ZNF646: variants seen among roughly 807,000 people sequenced by gnomAD.
ZNF646 encodes the protein zinc finger protein 646.
A neutral mutation model predicts 115.4 loss-of-function variants in ZNF646; 49 were observed. The observed-to-expected ratio is 0.42, with a 90% CI of 0.34 to 0.54. The LOEUF (loss-of-function observed/expected upper bound fraction) is 0.54. Ranked by LOEUF, ZNF646 falls within the 20% of genes least tolerant of loss-of-function variation. ZNF646 has a pLI of 0.04. For synonymous variants in ZNF646, 933 were observed against 939.0 expected (o/e 0.99, Z 0.12); for missense variants, 2,269 against 2,457.9 (o/e 0.92, Z 1.62).
In ZNF646 at chr16:31,074,441, C is replaced by G. The variant is rs1457032205; in HGVS notation, c.-270C>G. On this transcript the variant is annotated 5_prime_UTR_variant, in exon 1 of 3. Transcript: ENST00000300850. ...TTTCCTAGTAACAATAGGAAGTGTCCGTAGAGCTGGGAGTAGACTCCTGGC... is the reference window on the plus strand; with the variant it reads ...TTTCCTAGTAACAATAGGAAGTGTCGGTAGAGCTGGGAGTAGACTCCTGGC... 2.0e-5 allele frequency: 3 copies of G among 152,280 alleles called. No homozygotes were observed. Among genetic ancestry groups the G allele is most frequent in the South Asian group, 4.1e-4 (2 of 4,834 alleles). The allele number at this position is 152,280 out of a possible 1,614,324, so 9.4% of individuals were successfully genotyped here.
chr16:31,083,021 C>G lies in ZNF646; in HGVS notation c.5428C>G (p.Pro1810Ala). ...TGRGDLPLPP[P>A]PTPTTPLLDP... is the part of the protein sequence containing the mutation. The stretch of plus-strand genomic sequence containing the variant: ...CAGAGGGGACTTGCCATTGCCCCCT[C>G]CACCCACCCCCACGACCCCACTCCT... The change falls in exon 3 of 3, where the codon CCA (proline) becomes GCA (alanine). Residue 1810 changes from proline (P) to alanine (A), a missense_variant. Around this residue, in one of 5 missense-constraint regions of ZNF646, gnomAD observed 1,062 missense variants for 1,172.8 expected, o/e 0.91. Coordinates refer to ENST00000300850, the MANE Select transcript of ZNF646 (RefSeq NM_014699.4). 3.1e-6 allele frequency: 5 copies of G among 1,598,422 alleles called. No homozygotes were observed. Among genetic ancestry groups the G allele is most frequent in the Non-Finnish European group, 4.3e-6 (5 of 1,174,390 alleles).
chr16:31,076,116 G>T, intron 1 of ZNF646, 130 bp from the exon 2 acceptor site: 2 of 564,906 alleles, frequency 3.5e-6, no homozygotes, highest in Non-Finnish European at 5.9e-6. Context: ...ATTGGATCTA[G>T]TAGAAATTAG....
rs1005181148 is a variant in ZNF646, at chr16:31,080,270, A to G, written c.3946A>G (p.Asn1316Asp). 1 of 1,612,674 alleles carries G rather than the reference A, an allele frequency of 6.2e-7. No homozygotes were observed. The highest frequency in any genetic ancestry group is 1.7e-5 in the Admixed American group (1 of 59,994). The change falls in exon 2 of 3, where the codon AAC becomes GAC. Residue 1316 changes from asparagine to aspartate, a missense_variant. By Grantham distance (23) the Asn-to-Asp change is conservative. Coordinates refer to ENST00000300850, the MANE Select transcript of ZNF646 (RefSeq NM_014699.4). The stretch of plus-strand genomic sequence containing the variant: ...CTATCGCCACGCCGGCAGCCTCCTG[A>G]ACCACCGGCGCAGCCACGAGACGGG... ...RTYRHAGSLL[N>D]HRRSHETGQY...
At position 31,076,478 on chromosome 16, in the gene ZNF646, C is replaced by A. The variant is rs1330346134; in HGVS notation, c.154C>A (p.Gln52Lys). The A allele has an allele frequency of 1.9e-6, 3 of 1,614,060 alleles. No individual in the cohort carries two copies. The highest frequency in any genetic ancestry group is 3.3e-5 in the Admixed American group (2 of 60,016). Residue 52 changes from glutamine (Q) to lysine (K), a missense_variant, in exon 2 of 3, where the codon CAG becomes AAG. Around this residue, in one of 5 missense-constraint regions of ZNF646, gnomAD observed 334 missense variants for 323.5 expected, o/e 1.03. Coordinates refer to ENST00000300850, the MANE Select transcript of ZNF646 (RefSeq NM_014699.4). ...DSIPRPYRCQ[Q>K]CGRGYRHPGS... Reference sequence around the variant, plus strand: ...CATCCCTCGGCCCTACCGTTGTCAGCAGTGTGGGCGGGGCTACCGTCACCC... The same window carrying A: ...CATCCCTCGGCCCTACCGTTGTCAGAAGTGTGGGCGGGGCTACCGTCACCC...
chr16:31,080,069 C>G lies in ZNF646; in HGVS notation c.3745C>G (p.Arg1249Gly). Reference sequence around the variant, plus strand: ...AAACCTCATGTCCCTCAAGAACCACCGGCGCATCCATGCAGATCCCCGACG... The same window carrying G: ...AAACCTCATGTCCCTCAAGAACCACGGGCGCATCCATGCAGATCCCCGACG... The part of the protein sequence containing the change: ...FSNLMSLKNH[R>G]RIHADPRRFR... Residue 1249 changes from arginine to glycine, a missense_variant, in exon 2 of 3, where the codon CGG (arginine) becomes GGG (glycine). Physicochemically the swap from Arg to Gly is moderately radical, Grantham distance 125. This residue lies in a region of ZNF646 where 1,062 missense variants were observed against 1,172.8 expected (regional missense o/e 0.91). Transcript: ENST00000300850. 1 of 1,612,642 alleles carries G rather than the reference C, an allele frequency of 6.2e-7. No homozygotes were observed. Among genetic ancestry groups the G allele is most frequent in the Non-Finnish European group, 8.5e-7 (1 of 1,179,416 alleles).
chr16:31,078,344 C>T lies in ZNF646; in HGVS notation c.2020C>T (p.His674Tyr). ...RRHSRRRSRR[H>Y]RKRAGGASGG... is the part of the protein sequence containing the mutation. ...GCACAGTCGGCGGCGGAGCAGGCGG[C>T]ATCGGAAGCGGGCTGGCGGTGCCAG... The change falls in exon 2 of 3, where the codon CAT becomes TAT. Residue 674 changes from histidine (H) to tyrosine (Y), a missense_variant. Physicochemically the swap from His to Tyr is moderately conservative, Grantham distance 83. This residue lies in a region of ZNF646 where 852 missense variants were observed against 900.2 expected (regional missense o/e 0.95). Coordinates refer to ENST00000300850, the MANE Select transcript of ZNF646 (RefSeq NM_014699.4). 1 of 1,613,406 alleles carries T rather than the reference C, an allele frequency of 6.2e-7. No homozygotes were observed. Among genetic ancestry groups the T allele is most frequent in the Middle Eastern group, 1.7e-4 (1 of 6,058 alleles).
rs749589689 is a variant in ZNF646, at chr16:31,078,732, A to G, written c.2408A>G (p.Asn803Ser). ...CAGAAGCCAGCCACTGGCCAACCCA[A>G]CTCCTCTTCCCACTCTGCCAATGCT... is the stretch of plus-strand genomic sequence containing the variant. Reference protein sequence around the residue: ...EDQKPATGQPNSSSHSANAVT... With the variant: ...EDQKPATGQPSSSSHSANAVT... Residue 803 changes from asparagine (N) to serine (S), a missense_variant, in exon 2 of 3, where the codon AAC becomes AGC. This residue lies in a region of ZNF646 where 852 missense variants were observed against 900.2 expected (regional missense o/e 0.95). Coordinates refer to ENST00000300850, the MANE Select transcript of ZNF646 (RefSeq NM_014699.4). The G allele has an allele frequency of 8.1e-6, 13 of 1,613,242 alleles. No individual in the cohort carries two copies. Among genetic ancestry groups the G allele is most frequent in the African/African-American group, 4.0e-5 (3 of 74,662 alleles).
chr16:31,083,107 A>G lies in ZNF646; in HGVS notation c.*15A>G. The G allele has an allele frequency of 6.2e-7, 1 of 1,602,810 alleles. No individual in the cohort carries two copies. The highest frequency in any genetic ancestry group is 1.1e-5 in the South Asian group (1 of 90,134). Reference sequence around the variant, plus strand: ...TCTCCCTCTGAACTTCAAGTCTCCAAAGATCAGAATCTGGGGGAGGGAGCG... The same window carrying G: ...TCTCCCTCTGAACTTCAAGTCTCCAGAGATCAGAATCTGGGGGAGGGAGCG... On this transcript the variant is annotated 3_prime_UTR_variant, in exon 3 of 3. Transcript: ENST00000300850.
In ZNF646 at chr16:31,079,178, G is replaced by T; in HGVS notation, c.2854G>T (p.Asp952Tyr). The stretch of plus-strand genomic sequence containing the variant: ...GCTGCAGCGGGAGGTGGAAGCGCTG[G>T]ACAGTGCAGGGTATGGGCACATCTG... ...NQLQREVEAL[D>Y]SAGYGHICGC... Residue 952 changes from aspartate (D) to tyrosine (Y), a missense_variant, in exon 2 of 3, where the codon GAC becomes TAC. This residue lies in a region of ZNF646 where 852 missense variants were observed against 900.2 expected (regional missense o/e 0.95). Transcript: ENST00000300850. The surrounding 1 kb of genome is among the most constrained non-coding windows in gnomAD (Gnocchi z 5.5). The T allele has an allele frequency of 6.2e-7, 1 of 1,613,152 alleles. No individual in the cohort carries two copies. Among genetic ancestry groups the T allele is most frequent in the Non-Finnish European group, 8.5e-7 (1 of 1,179,806 alleles).
chr16:31,076,116 G>C (rs2057072201), intron 1 of ZNF646, 130 bp from the exon 2 acceptor site: 2 of 564,788 alleles, frequency 3.5e-6, no homozygotes, highest in Non-Finnish European at 5.9e-6. Flanking sequence ...ATTGGATCTA[G>C]TAGAAATTAG....
chr16:31,083,670 GCTGGGCTT>G lies in ZNF646; in HGVS notation c.*585_*592del. 1 of 1,574,174 alleles carries G rather than the reference GCTGGGCTT, an allele frequency of 6.4e-7. No individual in the cohort carries two copies. The highest frequency in any genetic ancestry group is 1.8e-5 in the Admixed American group (1 of 54,146). ...CCCAGGCAGGTTCCTTCCCACAGCT[GCTGGGCTT>G]CTGGGCCTGCCCTGGTGCCTGGAAT... On this transcript the variant is annotated 3_prime_UTR_variant, in exon 3 of 3. Transcript: ENST00000300850.
rs1279035006 is a variant in ZNF646 at position 31,079,216 on chromosome 16, T to C, written c.2892T>C (p.Gly964=). The change falls in exon 2 of 3, where the codon GGT becomes GGC. Residue 964 remains glycine, a synonymous_variant. Coordinates refer to ENST00000300850, the MANE Select transcript of ZNF646 (RefSeq NM_014699.4). This position sits in a 1 kb window ranked among gnomAD's most constrained non-coding sequence, Gnocchi z 5.5. ...ATGGGCACATCTGTGGCTGCTGTGGTCAGACCTACGATGACCTGGGGAGCC... is the reference window on the plus strand; with the variant it reads ...ATGGGCACATCTGTGGCTGCTGTGGCCAGACCTACGATGACCTGGGGAGCC... The part of the protein sequence containing the change: ...AGYGHICGCC[G]QTYDDLGSLE... 1 of 1,613,372 alleles carries C rather than the reference T, an allele frequency of 6.2e-7. No individual in the cohort carries two copies. Among genetic ancestry groups the C allele is most frequent in the Non-Finnish European group, 8.5e-7 (1 of 1,180,028 alleles).
At position 31,083,100 on chromosome 16, in the gene ZNF646, G is replaced by A. The variant is rs1315398797; in HGVS notation, c.*8G>A. 2 of 1,602,388 alleles carry A rather than the reference G, an allele frequency of 1.2e-6. No individual in the cohort carries two copies. Among genetic ancestry groups the A allele is most frequent in the Non-Finnish European group, 1.7e-6 (2 of 1,175,498 alleles). ...CTCAGCTTCTCCCTCTGAACTTCAA[G>A]TCTCCAAAGATCAGAATCTGGGGGA... On this transcript the variant is annotated 3_prime_UTR_variant, in exon 3 of 3. Transcript: ENST00000300850.
chr16:31,078,138 G>A lies in ZNF646; in HGVS notation c.1814G>A (p.Ser605Asn), dbSNP rs1567407671. ...LTHGAGEKEN[S>N]RTETTMSPPR... ...CATGGGGCAGGGGAAAAGGAAAATA[G>A]CAGAACAGAGACCACAATGTCACCT... Residue 605 changes from serine to asparagine, a missense_variant, in exon 2 of 3, where the codon AGC becomes AAC. Transcript: ENST00000300850. 2 of 1,614,110 alleles carry A rather than the reference G, an allele frequency of 1.2e-6. No individual in the cohort carries two copies. The highest frequency in any genetic ancestry group is 1.7e-6 in the Non-Finnish European group (2 of 1,180,038).
chr16:31,074,634 A>G lies in ZNF646; in HGVS notation c.-80+3A>G, dbSNP rs1049306817. On this transcript the variant is annotated splice_donor_region_variant and intron_variant, in intron 1 of 2. Coordinates refer to ENST00000300850, the MANE Select transcript of ZNF646 (RefSeq NM_014699.4). ...TGGGGCGCGCGGCTGCAGTTAGGGT[A>G]AGGGTCCCAGTGCGCAGGCGCGCTC... The G allele has an allele frequency of 6.6e-6, 1 of 152,200 alleles. No individual in the cohort carries two copies. Among genetic ancestry groups the G allele is most frequent in the Non-Finnish European group, 1.5e-5 (1 of 68,044 alleles). The allele number at this position is 152,200 out of a possible 1,614,324, so 9.4% of individuals were successfully genotyped here. A position where few individuals can be genotyped will look rare whatever the true frequency, so the allele number is the denominator to read the frequency against.
Position 31,078,853 on chromosome 16 carries a change from C to CCCA in ZNF646, c.2533_2535dup (p.Pro845dup). ...GCCTGCTGAGCCACAGGCCCTGCCA[C>CCCA]CCACCAGGCATCTATCAGTGCTCCC... On this transcript the variant is annotated inframe_insertion, in exon 2 of 3. Transcript: ENST00000300850. The CCCA allele has an allele frequency of 5.0e-6, 8 of 1,614,022 alleles. No individual in the cohort carries two copies. The highest frequency in any genetic ancestry group is 1.1e-5 in the South Asian group (1 of 91,086).
At position 31,080,935 on chromosome 16, in the gene ZNF646, C is replaced by T. The variant is rs1567411829; in HGVS notation, c.4611C>T (p.Gly1537=). The T allele has an allele frequency of 6.2e-7, 1 of 1,614,118 alleles. No homozygotes were observed. Among genetic ancestry groups the T allele is most frequent in the East Asian group, 2.2e-5 (1 of 44,882 alleles). The change falls in exon 2 of 3, where the codon GGC becomes GGT. Residue 1537 remains glycine, a synonymous_variant. Coordinates refer to ENST00000300850, the MANE Select transcript of ZNF646 (RefSeq NM_014699.4). ...PGSHSSCSQC[G]KTYCQSGSLL... is the part of the protein sequence containing the mutation. The stretch of plus-strand genomic sequence containing the variant: ...GCCACTCCTCTTGCAGCCAGTGTGG[C>T]AAGACTTACTGCCAGTCAGGCAGCC...
rs1370164737 is a variant in ZNF646 at position 31,077,041 on chromosome 16, C to T, written c.717C>T (p.Tyr239=). The part of the protein sequence containing the change: ...QSPPAEEERR[Y]KCSQCGKTYK... ...CTCCTGCTGAGGAGGAGCGGCGGTA[C>T]AAATGTAGTCAGTGTGGCAAGACCT... Residue 239 remains tyrosine, a synonymous_variant, in exon 2 of 3, where the codon TAC becomes TAT. Coordinates refer to ENST00000300850, the MANE Select transcript of ZNF646 (RefSeq NM_014699.4). The T allele has an allele frequency of 6.2e-7, 1 of 1,613,966 alleles. No individual in the cohort carries two copies. Among genetic ancestry groups the T allele is most frequent in the Non-Finnish European group, 8.5e-7 (1 of 1,179,930 alleles).
rs1438601504 is a variant in ZNF646, at chr16:31,076,488, G to A, written c.164G>A (p.Arg55Gln). ...PRPYRCQQCG[R>Q]GYRHPGSLVN... ...CCCTACCGTTGTCAGCAGTGTGGGC[G>A]GGGCTACCGTCACCCCGGGAGCCTG... The change falls in exon 2 of 3, where the codon CGG (arginine) becomes CAG (glutamine). Residue 55 changes from arginine (R) to glutamine (Q), a missense_variant. Arg to Gln is a conservative substitution (Grantham distance 43). Around this residue, in one of 5 missense-constraint regions of ZNF646, gnomAD observed 334 missense variants for 323.5 expected, o/e 1.03. Transcript: ENST00000300850. 4 of 1,613,816 alleles carry A rather than the reference G, an allele frequency of 2.5e-6. No homozygotes were observed. Among genetic ancestry groups the A allele is most frequent in the Admixed American group, 1.7e-5 (1 of 60,000 alleles).
Sources: allele counts gnomAD v4.1 joint callset, GRCh38; gene constraint gnomAD v4.1.1; regional missense constraint gnomAD v4.1.1; non-coding constraint Gnocchi (gnomAD v3.1); transcripts MANE v1.5; gene names NCBI Gene and HGNC (gene_info 2026-07-23, HGNC 2026-07-21).